CDH13: variants seen among roughly 807,000 people sequenced by gnomAD.
The protein encoded by CDH13 is cadherin-13.
CDH13 carries 24 observed loss-of-function variants against 63.8 expected under a neutral mutation model. The ratio of observed to expected loss-of-function variants is 0.38; its 90% confidence interval spans 0.27 to 0.53. CDH13 has a LOEUF of 0.53. Ranked by LOEUF, CDH13 falls within the 20% of genes least tolerant of loss-of-function variation. The probability of loss-of-function intolerance (pLI) is 0.85; values close to 1 mark genes in which losing one functional copy is unlikely to be tolerated. For missense variants in CDH13, 1,049 were observed against 903.1 expected, an observed-to-expected ratio of 1.16 and a Z score of -2.07; for synonymous variants, 503 against 355.3, an observed-to-expected ratio of 1.42 and a Z score of -4.67.
At chr16:83,440,758 C>T (rs1349815247) in intron 6 of CDH13, among the ~76,000 whole-genome samples, 2 of 146,504 alleles carry the variant, frequency 1.4e-5, no homozygotes, top group African/African-American at 5.0e-5. Context: ...GCACTCCAGC[C>T]TGGGCAGCAG....
chr16:83,212,173 G>T (rs1405808810), intron 4 of CDH13, among the ~76,000 whole-genome samples: 1 of 152,146 alleles, frequency 6.6e-6, no homozygotes, highest in African/African-American at 2.4e-5. Context: ...CATAATCAAG[G>T]TGGTCTGGAA....
intron 6 of CDH13, among the ~76,000 whole-genome samples, chr16:83,407,731 T>C (rs2092068520): frequency 6.6e-6 from 1 of 152,200 alleles, no homozygotes; most frequent in Non-Finnish European, 1.5e-5. Context: ...CCTTCCCTCC[T>C]CATTTGACCC....
intron 4 of CDH13, among the ~76,000 whole-genome samples, chr16:83,193,147 T>C (rs1597493559): frequency 6.7e-6 from 1 of 150,214 alleles, no homozygotes; most frequent in Non-Finnish European, 1.5e-5. Context: ...AGGGAAATGC[T>C]ATACTTGAAA....
intron 4 of CDH13, among the ~76,000 whole-genome samples, chr16:83,211,740 G>A (rs1272802082): frequency 6.7e-6 from 1 of 148,874 alleles, no homozygotes; most frequent in Admixed American, 6.6e-5. Flanking sequence ...ACTGGTCCCA[G>A]CTATGCGACG....
At chr16:83,467,222 A>C (rs79712444) in intron 6 of CDH13, among the ~76,000 whole-genome samples, 4,398 of 152,340 alleles carry the variant, frequency 0.029, 208 homozygotes, top group African/African-American at 0.1. Context: ...AGAGAAAACA[A>C]ATACACCGTG....
At chr16:83,664,498 T>C (rs540087852) in intron 8 of CDH13, among the ~76,000 whole-genome samples, 1 of 149,806 alleles carries the variant, frequency 6.7e-6, no homozygotes, top group Non-Finnish European at 1.5e-5. Flanking sequence ...ATATCTTATG[T>C]ATATTTTATA....
chr16:83,210,659 A>G (rs4783335), intron 4 of CDH13, among the ~76,000 whole-genome samples: 130,734 of 151,930 alleles, frequency 0.86, 58,296 homozygotes, highest in East Asian at 0.97. Flanking sequence ...GAGGAGGACA[A>G]TGACTTGCAG....
chr16:82,805,146 C>T (rs1365133838), intron 1 of CDH13, among the ~76,000 whole-genome samples: 3 of 152,152 alleles, frequency 2.0e-5, no homozygotes, highest in Non-Finnish European at 2.9e-5. Context: ...GATCCTCTAT[C>T]TTCATGCTCA....
At chr16:83,512,320 C>CT (rs2074588216) in intron 7 of CDH13, among the ~76,000 whole-genome samples, 1 of 102,312 alleles carries the variant, frequency 9.8e-6, no homozygotes, top group Admixed American at 1.2e-4. Context: ...AACTCCGTCT[C>CT]AAAATAAATA....
chr16:82,816,346 C>T (rs1425919408), intron 1 of CDH13, among the ~76,000 whole-genome samples: 3 of 152,046 alleles, frequency 2.0e-5, no homozygotes, highest in Non-Finnish European at 4.4e-5. Context: ...AGTGGACACA[C>T]AGACAAAAAT....
intron 1 of CDH13, among the ~76,000 whole-genome samples, chr16:82,841,182 T>C (rs1405701286): frequency 1.3e-5 from 2 of 152,102 alleles, no homozygotes; most frequent in Non-Finnish European, 2.9e-5. Flanking sequence ...CTGTCCCAAA[T>C]CCAGATGCTC....
At chr16:83,618,794 C>T (rs561489870) in intron 8 of CDH13, among the ~76,000 whole-genome samples, 201 of 151,648 alleles carry the variant, frequency 1.3e-3, no homozygotes, top group Non-Finnish European at 1.1e-3. Context: ...ATAAAGGAAT[C>T]GTTAGAGTGG....
intron 6 of CDH13, among the ~76,000 whole-genome samples, chr16:83,456,927 A>G (rs2073039298): frequency 6.6e-6 from 1 of 152,156 alleles, no homozygotes; most frequent in South Asian, 2.1e-4. Context: ...ATGCCACTGC[A>G]CTCCAGCCTG....
At chr16:83,267,326 C>T (rs996007285) in intron 5 of CDH13, among the ~76,000 whole-genome samples, 3 of 152,126 alleles carry the variant, frequency 2.0e-5, no homozygotes. Context: ...TCATTCAGAG[C>T]CCGGCTGGAT....
At chr16:83,532,066 A>C (rs1272575076) in intron 7 of CDH13, among the ~76,000 whole-genome samples, 1 of 152,050 alleles carries the variant, frequency 6.6e-6, no homozygotes, top group Non-Finnish European at 1.5e-5. Flanking sequence ...ATGAGATCTG[A>C]TGGTTTTATA....
At chr16:82,791,205 C>G (rs1000196743) in intron 1 of CDH13, among the ~76,000 whole-genome samples, 3 of 148,938 alleles carry the variant, frequency 2.0e-5, no homozygotes, top group African/African-American at 2.5e-5. Flanking sequence ...CCACTGCACT[C>G]CAGCCTGGGC....
chr16:83,390,961 G>T (rs1477830643), intron 6 of CDH13, among the ~76,000 whole-genome samples: 1 of 152,100 alleles, frequency 6.6e-6, no homozygotes, highest in African/African-American at 2.4e-5. Flanking sequence ...AGCTTCCTGT[G>T]CTTGGGATTG....
At chr16:83,377,710 T>A (rs1434186154) in intron 6 of CDH13, among the ~76,000 whole-genome samples, 1 of 152,156 alleles carries the variant, frequency 6.6e-6, no homozygotes, top group Non-Finnish European at 1.5e-5. Context: ...CTCCCACACT[T>A]ATGCCATTTC....
chr16:83,032,011 G>A lies in CDH13; in HGVS notation c.159G>A (p.Leu53=), dbSNP rs1916401366. ...TCTGTTGTTTCGTTTGTTTCCCAGT[G>A]ACCTTCAGTGACTGTAAGGGAAACG... ...EFIEDQSILN[L]TFSDCKGNDK... is the part of the protein sequence containing the mutation. Residue 53 remains leucine, a splice_region_variant and synonymous_variant, in exon 3 of 14, where the codon TTG becomes TTA. Transcript: ENST00000567109. The A allele has an allele frequency of 6.3e-7, 1 of 1,581,876 alleles. No homozygotes were observed. The highest frequency in any genetic ancestry group is 8.6e-7 in the Non-Finnish European group (1 of 1,163,112).
Sources: gnomAD v4.1 joint callset for allele counts (sites outside exome capture counted in the v4.1 genomes callset) on GRCh38, gnomAD v4.1.1 for gene constraint, MANE v1.5 for transcripts, NCBI Gene and HGNC (gene_info 2026-07-23, HGNC 2026-07-21) for gene names.